Variants in PRKAR1A observed in about 807,000 individuals in gnomAD.
PRKAR1A encodes protein kinase cAMP-dependent type I regulatory subunit alpha.
In PRKAR1A, 3 loss-of-function variants were observed where a neutral mutation model predicts 52.0. The observed-to-expected ratio is 0.06, with a 90% CI of 0.03 to 0.15. PRKAR1A has a LOEUF of 0.15. PRKAR1A is among the 10% of genes least tolerant of loss of function. The pLI, the probability that PRKAR1A is intolerant of heterozygous loss-of-function variation, is 1.00. For synonymous variants in PRKAR1A, 188 were observed against 168.4 expected (o/e 1.12, Z -0.90); for missense variants, 240 against 477.4 (o/e 0.50, Z 4.63).
the PRKAR1A span, chr17:68,444,624 G>A: frequency 5.2e-4 from 820 of 1,569,822 alleles, no homozygotes; most frequent in Non-Finnish European, 6.8e-4. Context: ...CTACCGAACC[G>A]TTCCTTACAA....
intron 2 of PRKAR1A, among the ~76,000 whole-genome samples, chr17:68,518,299 C>T (rs2085494708): frequency 1.3e-5 from 2 of 152,202 alleles, no homozygotes; most frequent in African/African-American, 4.8e-5. Context: ...CAAACGACCC[C>T]ACATTTCCCT....
At chr17:68,466,956 C>T in the PRKAR1A span, among the ~76,000 whole-genome samples, 2 of 152,188 alleles carry the variant, frequency 1.3e-5, no homozygotes, top group Non-Finnish European at 2.9e-5. Context: ...AATGACCAGT[C>T]AGCTTTCTGT....
At chr17:68,474,469 G>A in the PRKAR1A span, among the ~76,000 whole-genome samples, 1 of 152,196 alleles carries the variant, frequency 6.6e-6, no homozygotes, top group Non-Finnish European at 1.5e-5. Context: ...ATCTCCGGTT[G>A]TCTGATGTCA....
At chr17:68,499,970 C>G in the PRKAR1A span, among the ~76,000 whole-genome samples, 1 of 152,220 alleles carries the variant, frequency 6.6e-6, no homozygotes, top group African/African-American at 2.4e-5. Flanking sequence ...ACTTCCTAAT[C>G]ATCCAAACAG....
the PRKAR1A span, chr17:68,426,254 G>GGGGGGGGGGT: frequency 1.2e-6 from 1 of 816,924 alleles, no homozygotes; most frequent in Admixed American, 2.3e-5. Flanking sequence ...GGGAGCGGGG[G>GGGGGGGGGGT]CTCAAATAAA....
downstream of PRKAR1A, chr17:68,537,619 A>G: frequency 6.2e-7 from 1 of 1,613,754 alleles, no homozygotes; most frequent in Non-Finnish European, 8.5e-7. The surrounding 1 kb of genome is among the most constrained non-coding windows in gnomAD (Gnocchi z 4.2). Context: ...CAGGGCAAGG[A>G]GGTGGGGTTC....
At chr17:68,419,446 G>C in the PRKAR1A span, among the ~76,000 whole-genome samples, 3 of 152,102 alleles carry the variant, frequency 2.0e-5, no homozygotes, top group Non-Finnish European at 4.4e-5. Flanking sequence ...CGTGGTGGCA[G>C]GTGCCTGTGA....
the PRKAR1A span, among the ~76,000 whole-genome samples, chr17:68,465,625 A>ATT: frequency 4.2e-3 from 282 of 67,014 alleles, 3 homozygotes; most frequent in African/African-American, 5.4e-3. Flanking sequence ...ACGCCCAGCA[A>ATT]TTTTTTTTTT....
the PRKAR1A span, among the ~76,000 whole-genome samples, chr17:68,496,669 C>T: frequency 1.3e-5 from 2 of 152,096 alleles, no homozygotes; most frequent in African/African-American, 4.8e-5. Flanking sequence ...AACTATGTAT[C>T]ACTCTCCTCG....
At chr17:68,489,208 ATATATATATATATATATATATGGAAAG>A in the PRKAR1A span, among the ~76,000 whole-genome samples, 5 of 51,362 alleles carry the variant, frequency 9.7e-5, no homozygotes, top group African/African-American at 3.7e-4. Flanking sequence ...ATATATATAT[ATATATATATATATATATATATGGAAAG>A]TATATATATA....
At chr17:68,515,107 C>A (rs1014938658) in intron 1 of PRKAR1A, 1 of 426,558 alleles carries the variant, frequency 2.3e-6, no homozygotes, top group East Asian at 4.6e-5. Flanking sequence ...CTTCAGCACC[C>A]GTCTCTGCAG....
intron 6 of PRKAR1A, 55 bp downstream of exon 6, chr17:68,525,013 GCTTC>G: frequency 2.9e-6 from 4 of 1,391,624 alleles, no homozygotes; most frequent in Non-Finnish European, 4.1e-6. Flanking sequence ...TGTATTGATC[GCTTC>G]CGAGCAATAA....
chr17:68,489,505 A>G, the PRKAR1A span, among the ~76,000 whole-genome samples: 1 of 145,296 alleles, frequency 6.9e-6, no homozygotes, highest in African/African-American at 2.5e-5. Flanking sequence ...TATAGATAGT[A>G]TATATATATG....
downstream of PRKAR1A, chr17:68,536,734 CT>C (rs772873230): frequency 2.9e-5 from 13 of 452,552 alleles, no homozygotes; most frequent in Admixed American, 2.4e-5. Context: ...GAGGACTTTC[CT>C]TTTTTTTTCC....
chr17:68,529,381 A>G (rs191505827), intron 9 of PRKAR1A, among the ~76,000 whole-genome samples: 84 of 152,370 alleles, frequency 5.5e-4, no homozygotes, highest in East Asian at 3.7e-3. Context: ...CTGTGTTTGT[A>G]TATCTCCACA....
At chr17:68,536,161 C>G, downstream of PRKAR1A, 1 of 454,108 alleles carries the variant, frequency 2.2e-6, no homozygotes, top group South Asian at 1.6e-5. Context: ...TCGAGGCTAT[C>G]TTTGCTCACA....
chr17:68,438,826 G>A, the PRKAR1A span, among the ~76,000 whole-genome samples: 4 of 152,100 alleles, frequency 2.6e-5, no homozygotes, highest in Non-Finnish European at 5.9e-5. Flanking sequence ...TCTCGAACTC[G>A]TGACCTCAGG....
chr17:68,460,020 C>T, the PRKAR1A span, among the ~76,000 whole-genome samples: 2 of 152,252 alleles, frequency 1.3e-5, no homozygotes, highest in Admixed American at 6.5e-5. Context: ...GGGATTTCAC[C>T]ATGTTGGTCA....
chr17:68,486,991 G>A, the PRKAR1A span, among the ~76,000 whole-genome samples: 68 of 151,720 alleles, frequency 4.5e-4, no homozygotes, highest in African/African-American at 1.6e-3. Context: ...CTCCCAACTC[G>A]GCCTCCCCAG....
Sources: allele counts gnomAD v4.1 joint callset (sites outside exome capture counted in the v4.1 genomes callset), GRCh38; gene constraint gnomAD v4.1.1; non-coding constraint Gnocchi (gnomAD v3.1); transcripts MANE v1.5; gene names NCBI Gene and HGNC (gene_info 2026-07-23, HGNC 2026-07-21).